Variants in CACNA1E observed in about 807,000 individuals in gnomAD.
CACNA1E encodes calcium voltage-gated channel subunit alpha1 E, also known as voltage-dependent R-type calcium channel subunit alpha-1E.
A neutral mutation model predicts 259.2 loss-of-function variants in CACNA1E; 40 were observed. The ratio of observed to expected loss-of-function variants is 0.15; its 90% CI spans 0.12 to 0.20. The LOEUF (loss-of-function observed/expected upper bound fraction) is 0.20. Ranked by LOEUF, CACNA1E falls within the 10% of genes least tolerant of loss-of-function variation. CACNA1E has a pLI of 1.00. For missense variants in CACNA1E, 1,874 were observed against 3,040.1 expected (o/e 0.62, Z 9.02); for synonymous variants, 1,104 against 1,138.5 (o/e 0.97, Z 0.61).
chr1:181,575,834 A>G (rs1408635410), intron 3 of CACNA1E, among the ~76,000 whole-genome samples: 1 of 152,176 alleles, frequency 6.6e-6, no homozygotes, highest in South Asian at 2.1e-4. Context: ...GAACCAGCCA[A>G]ACAATGATTC....
intron 1 of CACNA1E, among the ~76,000 whole-genome samples, chr1:181,399,661 G>T (rs675498): frequency 5.3e-5 from 8 of 152,120 alleles, no homozygotes; most frequent in African/African-American, 1.9e-4. Context: ...AAGATAGCTC[G>T]GGGGATCTTT....
intron 1 of CACNA1E, among the ~76,000 whole-genome samples, chr1:181,359,995 ACTCT>A (rs1026979103): frequency 4.0e-5 from 6 of 151,252 alleles, no homozygotes; most frequent in African/African-American, 1.5e-4. Flanking sequence ...AGCAGTTTTG[ACTCT>A]CCCTCTCTCA....
intron 4 of CACNA1E, among the ~76,000 whole-genome samples, chr1:181,578,202 A>AATGTATTATGTAG (rs1375003588): frequency 1.3e-5 from 2 of 152,144 alleles, no homozygotes; most frequent in African/African-American, 4.8e-5. Context: ...ATATAATTGA[A>AATGTATTATGTAG]ATCGTTATGT....
At chr1:181,746,470 A>C (rs187106807) in intron 25 of CACNA1E, among the ~76,000 whole-genome samples, 1 of 152,336 alleles carries the variant, frequency 6.6e-6, no homozygotes, top group East Asian at 1.9e-4. Flanking sequence ...TGTTGTCTCC[A>C]TTATGTTAAG....
Position 181,666,552 on chromosome 1 carries a change from A to G in CACNA1E, c.1055+15111A>G, listed in dbSNP as rs563614043. Among the ~76,000 whole-genome samples the G allele has an allele frequency of 2.0e-5, 3 of 152,274 alleles. No homozygotes were observed. In the South Asian group the frequency reaches 6.2e-4, roughly 32 times the overall value. ...GTAAACAATGTTTTTACTAAATTATATTAAAATTTATCTGAAAATGTAAAT... is the reference window on the plus strand; with the variant it reads ...GTAAACAATGTTTTTACTAAATTATGTTAAAATTTATCTGAAAATGTAAAT... On this transcript the variant is annotated intron_variant, in intron 7 of 47. Coordinates refer to ENST00000367573, the MANE Select transcript of CACNA1E (RefSeq NM_001205293.3).
At chr1:181,661,604 A>G (rs1176407503) in intron 7 of CACNA1E, among the ~76,000 whole-genome samples, 2 of 152,130 alleles carry the variant, frequency 1.3e-5, no homozygotes, top group Non-Finnish European at 2.9e-5. Flanking sequence ...AGCGTAACAC[A>G]CTTCATGACT....
At chr1:181,511,117 C>A (rs1362799683) in intron 2 of CACNA1E, among the ~76,000 whole-genome samples, 3 of 152,208 alleles carry the variant, frequency 2.0e-5, no homozygotes, top group African/African-American at 7.2e-5. Flanking sequence ...CAGGGACCTT[C>A]CTGGGAAGGA....
chr1:181,633,820 A>G (rs1490735423), intron 6 of CACNA1E, among the ~76,000 whole-genome samples: 1 of 152,170 alleles, frequency 6.6e-6, no homozygotes, highest in Non-Finnish European at 1.5e-5. Flanking sequence ...GTAATTTTCA[A>G]AGCGCTATCC....
intron 25 of CACNA1E, among the ~76,000 whole-genome samples, chr1:181,743,987 G>A (rs1052539579): frequency 4.6e-5 from 7 of 152,244 alleles, no homozygotes; most frequent in South Asian, 2.1e-4. Flanking sequence ...GCCATTTGCT[G>A]TTGTAGCAGG....
At chr1:181,403,502 T>C (rs1657250098) in intron 1 of CACNA1E, among the ~76,000 whole-genome samples, 1 of 152,016 alleles carries the variant, frequency 6.6e-6, no homozygotes, top group Non-Finnish European at 1.5e-5. Context: ...ATTTTTCCAT[T>C]ATTCTGAGGA....
chr1:181,365,384 C>G (rs936325712), intron 1 of CACNA1E, among the ~76,000 whole-genome samples: 3 of 152,216 alleles, frequency 2.0e-5, no homozygotes, highest in African/African-American at 7.2e-5. Flanking sequence ...GTTGCCCAGG[C>G]TGGTCTTGAA....
intron 3 of CACNA1E, among the ~76,000 whole-genome samples, chr1:181,541,829 T>C (rs1346142459): frequency 6.6e-6 from 1 of 152,208 alleles, no homozygotes; most frequent in Non-Finnish European, 1.5e-5. Context: ...CTCAGCTTTG[T>C]CACTTACTAA....
chr1:181,511,615 A>G (rs1666172606), intron 3 of CACNA1E, 105 bp downstream of exon 3: 2 of 1,297,774 alleles, frequency 1.5e-6, no homozygotes, highest in African/African-American at 3.0e-5. Flanking sequence ...CAATCTGTAG[A>G]GTAGGGGCAG....
chr1:181,746,921 T>C (rs1296045674), intron 25 of CACNA1E, among the ~76,000 whole-genome samples: 1 of 152,364 alleles, frequency 6.6e-6, no homozygotes, highest in East Asian at 1.9e-4. Context: ...TGCTTCTTCA[T>C]CTGTAAATGG....
In CACNA1E at chr1:181,727,844, G is replaced by A. The variant is rs139217680; in HGVS notation, c.2240+1682G>A. Among the ~76,000 whole-genome samples, 212 of 152,278 alleles carry A rather than the reference G, an allele frequency of 1.4e-3. 1 individual carries two copies. Among genetic ancestry groups the A allele is most frequent in the Middle Eastern group, 3.4e-3 (1 of 294 alleles). On this transcript the variant is annotated intron_variant, in intron 18 of 47. Transcript: ENST00000367573. The stretch of plus-strand genomic sequence containing the variant: ...TGAAGCTAGTAAGGGAAGAGCCCTT[G>A]GTTGGCTAGAGTTCCAGTGAAGGGC...
At position 181,526,536 on chromosome 1, in the gene CACNA1E, G is replaced by A. The variant is rs1043893508; in HGVS notation, c.512+15026G>A. Among the ~76,000 whole-genome samples, 9 of 152,066 alleles carry A rather than the reference G, an allele frequency of 5.9e-5. No individual in the cohort carries two copies. In the East Asian group the frequency reaches 1.7e-3, roughly 29 times the overall value. The stretch of plus-strand genomic sequence containing the variant: ...AACTCACTACTTGGTTTTAGTTACT[G>A]GAAAAATGGCTTCTATTGAAGGGAA... On this transcript the variant is annotated intron_variant, in intron 3 of 47. Coordinates refer to ENST00000367573, the MANE Select transcript of CACNA1E (RefSeq NM_001205293.3).
rs779138664 is a variant in CACNA1E at position 181,721,821 on chromosome 1, A to T, written c.2020A>T (p.Ser674Cys). 1 of 1,613,774 alleles carries T rather than the reference A, an allele frequency of 6.2e-7. No homozygotes were observed. The highest frequency in any genetic ancestry group is 8.5e-7 in the Non-Finnish European group (1 of 1,179,726). ...YNGIRSQGGVSSGMWSAIYFI... is the reference protein window; with the variant it reads ...YNGIRSQGGVCSGMWSAIYFI... ...TGGGATCCGCTCCCAGGGTGGGGTC[A>T]GCTCAGGCATGTGGTCTGCCATCTA... Residue 674 changes from serine to cysteine, a missense_variant, in exon 16 of 48, where the codon AGC (serine) becomes TGC (cysteine). Physicochemically the swap from Ser to Cys is moderately radical, Grantham distance 112 (BLOSUM62 -1). Around this residue, in one of 14 missense-constraint regions of CACNA1E, gnomAD observed 102 missense variants for 279.4 expected, o/e 0.37. Transcript: ENST00000367573.
At chr1:181,414,445 G>T (rs1004466370) in intron 2 of CACNA1E, among the ~76,000 whole-genome samples, 6 of 152,224 alleles carry the variant, frequency 3.9e-5, no homozygotes, top group African/African-American at 1.4e-4. Flanking sequence ...AGGGGTAAAT[G>T]AGCTGATCTC....
At chr1:181,361,235 C>T (rs527496023) in intron 1 of CACNA1E, among the ~76,000 whole-genome samples, 102 of 152,318 alleles carry the variant, frequency 6.7e-4, no homozygotes, top group Non-Finnish European at 4.9e-4. Context: ...TCCTCTGTGT[C>T]TTCCTTCCCT....
Sources: gnomAD v4.1 joint callset for allele counts (sites outside exome capture counted in the v4.1 genomes callset) on GRCh38, gnomAD v4.1.1 for gene constraint, gnomAD v4.1.1 regional missense constraint, MANE v1.5 for transcripts, NCBI Gene and HGNC (gene_info 2026-07-23, HGNC 2026-07-21) for gene names.